The following ROR2 variants were observed in gnomAD, a reference collection of about 807,000 sequenced individuals.
ROR2 encodes the protein ROR family WNT receptor 2.
ROR2 carries 33 observed loss-of-function variants against 74.9 expected under a neutral mutation model. The observed-to-expected ratio is 0.44, with a 90% CI of 0.33 to 0.59. The LOEUF (loss-of-function observed/expected upper bound fraction) is 0.59, where lower values mean the gene tolerates loss of function less well. Among genes scored for constraint, ROR2 ranks in the 20% least tolerant of loss-of-function variants. The probability of loss-of-function intolerance (pLI) is 0.02; values close to 1 mark genes in which losing one functional copy is unlikely to be tolerated. For missense variants in ROR2, 1,216 were observed against 1,313.8 expected (o/e 0.93, Z 1.15); for synonymous variants, 586 against 558.7 (o/e 1.05, Z -0.69).
intron 1 of ROR2, among the ~76,000 whole-genome samples, chr9:91,852,624 A>ACACACACACACACACACACACACACAC (rs1829133234): frequency 8.1e-6 from 1 of 123,830 alleles, no homozygotes; most frequent in East Asian, 2.3e-4. Flanking sequence ...AAAACACACA[A>ACACACACACACACACACACACACACAC]ACACACACAC....
chr9:91,945,108 C>G (rs933908540), intron 1 of ROR2, among the ~76,000 whole-genome samples: 1 of 151,940 alleles, frequency 6.6e-6, no homozygotes, highest in Non-Finnish European at 1.5e-5. Context: ...TAATACTACT[C>G]AGATCCATCT....
chr9:91,790,311 C>T (rs1359379180), intron 1 of ROR2, among the ~76,000 whole-genome samples: 1 of 151,532 alleles, frequency 6.6e-6, no homozygotes, highest in Non-Finnish European at 1.5e-5. Context: ...ACCATCCTGG[C>T]CAACATGATG....
chr9:91,738,589 A>G (rs1406940303), intron 4 of ROR2, among the ~76,000 whole-genome samples: 1 of 152,218 alleles, frequency 6.6e-6, no homozygotes, highest in Non-Finnish European at 1.5e-5. Flanking sequence ...AACAGCAGAA[A>G]TATTTGAAAA....
chr9:91,875,585 C>A (rs1287482740), intron 1 of ROR2, among the ~76,000 whole-genome samples: 3 of 152,092 alleles, frequency 2.0e-5, no homozygotes, highest in African/African-American at 7.2e-5. Flanking sequence ...CATAGCCATA[C>A]AGAGAACATG....
intron 4 of ROR2, among the ~76,000 whole-genome samples, chr9:91,740,682 C>A (rs1825205965): frequency 6.6e-6 from 1 of 151,768 alleles, no homozygotes; most frequent in African/African-American, 2.4e-5. Context: ...GAGTTGCTTT[C>A]TATTTTCCAA....
intron 1 of ROR2, among the ~76,000 whole-genome samples, chr9:91,795,373 CTG>C (rs1362279883): frequency 6.6e-6 from 1 of 152,184 alleles, no homozygotes; most frequent in Non-Finnish European, 1.5e-5. Context: ...TTTATGGTGA[CTG>C]TATTGTGGCA....
At chr9:91,744,677 A>T (rs3935846) in intron 4 of ROR2, among the ~76,000 whole-genome samples, 117,929 of 152,100 alleles carry the variant, frequency 0.78, 45,812 homozygotes, top group African/African-American at 0.84. Flanking sequence ...AACATGCCCA[A>T]CACCAATGTT....
intron 1 of ROR2, among the ~76,000 whole-genome samples, chr9:91,922,995 T>C (rs1020673059): frequency 6.6e-6 from 1 of 151,962 alleles, no homozygotes; most frequent in Non-Finnish European, 1.5e-5. Context: ...CACTCCCCAC[T>C]GCCCAATACA....
At chr9:91,866,240 C>T (rs982939662) in intron 1 of ROR2, among the ~76,000 whole-genome samples, 2 of 152,000 alleles carry the variant, frequency 1.3e-5, no homozygotes, top group Admixed American at 6.6e-5. Flanking sequence ...CTGCCTCAGT[C>T]TCCTGAGTAG....
At chr9:91,841,607 T>C (rs1349144890) in intron 1 of ROR2, among the ~76,000 whole-genome samples, 1 of 152,262 alleles carries the variant, frequency 6.6e-6, no homozygotes, top group Non-Finnish European at 1.5e-5. Flanking sequence ...TGTAAATGTG[T>C]ATTTCCATGC....
chr9:91,906,150 A>T (rs532210375), intron 1 of ROR2, among the ~76,000 whole-genome samples: 28 of 152,060 alleles, frequency 1.8e-4, no homozygotes, highest in Admixed American at 3.3e-4. Flanking sequence ...TGTGACCACA[A>T]CTCCGCCTGC....
At chr9:91,744,365 G>A (rs975326298) in intron 4 of ROR2, among the ~76,000 whole-genome samples, 1 of 151,698 alleles carries the variant, frequency 6.6e-6, no homozygotes, top group African/African-American at 2.4e-5. Context: ...GGGACTACAG[G>A]CAGTCACCAC....
intron 1 of ROR2, among the ~76,000 whole-genome samples, chr9:91,806,690 C>T (rs889966709): frequency 5.3e-5 from 8 of 152,112 alleles, no homozygotes; most frequent in South Asian, 2.1e-4. Flanking sequence ...CCCGGGTTCA[C>T]GCCATTCTCC....
At chr9:91,853,450 G>C (rs1325028980) in intron 1 of ROR2, among the ~76,000 whole-genome samples, 1 of 152,168 alleles carries the variant, frequency 6.6e-6, no homozygotes, top group Non-Finnish European at 1.5e-5. Flanking sequence ...CACATAGATG[G>C]CCTTTGCAGA....
At chr9:91,826,697 T>C (rs1307596473) in intron 1 of ROR2, among the ~76,000 whole-genome samples, 1 of 149,910 alleles carries the variant, frequency 6.7e-6, no homozygotes, top group Non-Finnish European at 1.5e-5. Flanking sequence ...GGCACGAGAA[T>C]GGCGTGAACC....
At chr9:91,818,876 A>AC (rs1828035657) in intron 1 of ROR2, among the ~76,000 whole-genome samples, 1 of 151,448 alleles carries the variant, frequency 6.6e-6, no homozygotes, top group Non-Finnish European at 1.5e-5. Context: ...AGCCCTACCC[A>AC]TGAGCAGCTT....
At chr9:91,791,057 G>A (rs1826957003) in intron 1 of ROR2, among the ~76,000 whole-genome samples, 1 of 152,124 alleles carries the variant, frequency 6.6e-6, no homozygotes, top group Non-Finnish European at 1.5e-5. Context: ...TAGCCTAAGT[G>A]TCCAGTGTTT....
chr9:91,821,322 T>G (rs1281127683), intron 1 of ROR2, among the ~76,000 whole-genome samples: 1 of 152,194 alleles, frequency 6.6e-6, no homozygotes, highest in Non-Finnish European at 1.5e-5. Context: ...CAGCAGCCTG[T>G]GCAAATAAAT....
chr9:91,931,113 G>A (rs2117954951), intron 1 of ROR2, among the ~76,000 whole-genome samples: 1 of 152,086 alleles, frequency 6.6e-6, no homozygotes, highest in East Asian at 1.9e-4. Context: ...GATCAAATAT[G>A]TTATCTCAGT....
Sources: gnomAD v4.1 joint callset for allele counts (sites outside exome capture counted in the v4.1 genomes callset) on GRCh38, gnomAD v4.1.1 for gene constraint, MANE v1.5 for transcripts, NCBI Gene and HGNC (gene_info 2026-07-23, HGNC 2026-07-21) for gene names.